MYO7A: variants seen among roughly 807,000 people sequenced by gnomAD.
MYO7A encodes myosin VIIA, also known as unconventional myosin-VIIa.
In MYO7A, 210 loss-of-function variants were observed where a neutral mutation model predicts 263.8. The observed-to-expected ratio is 0.80, with a 90% CI of 0.71 to 0.89. MYO7A has a LOEUF of 0.89. Among genes scored for constraint, MYO7A ranks in the 40% least tolerant of loss-of-function variants. The pLI, the probability that MYO7A is intolerant of heterozygous loss-of-function variation, is 0.00. For synonymous variants in MYO7A, 1,239 were observed against 1,197.3 expected (o/e 1.03, Z -0.72); for missense variants, 2,820 against 2,968.3 (o/e 0.95, Z 1.16).
chr11:77,214,515 G>A, intron 48 of MYO7A, 92 bp from the exon 49 acceptor site: 2 of 940,354 alleles, frequency 2.1e-6, no homozygotes, highest in Non-Finnish European at 3.4e-6. Context: ...CCTGGGTTCT[G>A]CCCATTGCAG....
At position 77,208,405 on chromosome 11, in the gene MYO7A, T is replaced by C. The variant is rs568783847; in HGVS notation, c.5857-25T>C. 15 of 1,563,446 alleles carry C rather than the reference T, an allele frequency of 9.6e-6. 1 individual carries two copies. In the South Asian group the frequency reaches 1.1e-4, roughly 12 times the overall value. On this transcript the variant is annotated intron_variant, in intron 42 of 48. Coordinates refer to ENST00000409709, the MANE Select transcript of MYO7A (RefSeq NM_000260.4). Reference sequence around the variant, plus strand: ...AAAATGCAGTGTTGCTTAAACTGAGTGTGCTTCGATGGCCCTGACCCCAGG... The same window carrying C: ...AAAATGCAGTGTTGCTTAAACTGAGCGTGCTTCGATGGCCCTGACCCCAGG...
intron 15 of MYO7A, among the ~76,000 whole-genome samples, chr11:77,172,237 A>G (rs138386396): frequency 1.6e-3 from 238 of 152,296 alleles, no homozygotes; most frequent in Non-Finnish European, 2.8e-3. Flanking sequence ...CATCACCTCC[A>G]CTTAGGAAAC....
chr11:77,179,843 G>A lies in MYO7A; in HGVS notation c.2476G>A (p.Ala826Thr), dbSNP rs368341987. 6.8e-4 allele frequency: 1,053 copies of A among 1,542,830 alleles called. 5 individuals carry two copies. The highest frequency in any genetic ancestry group is 6.0e-3 in the South Asian group (505 of 84,020). Residue 826 changes from alanine to threonine, a missense_variant, in exon 21 of 49, where the codon GCC (alanine) becomes ACC (threonine). Ala to Thr is a moderately conservative substitution (Grantham distance 58, BLOSUM62 0). Transcript: ENST00000409709. ...CATCCAGTTCCAGGCCCGCTGCCGC[G>A]CCTATCTGGTGCGCAAGGCCTTCCG... is the stretch of plus-strand genomic sequence containing the variant. ...RIIQFQARCR[A>T]YLVRKAFRHR...
chr11:77,138,139 G>A lies in MYO7A; in HGVS notation c.19-4570G>A, dbSNP rs1950980900. On this transcript the variant is annotated intron_variant, in intron 2 of 48. Transcript: ENST00000409709. This position sits in a 1 kb window ranked among gnomAD's most constrained non-coding sequence, Gnocchi z 4.9. ...GGGGGGTTCGGCCGAGACGGAGGGG[G>A]CCGGGGTGGCGCGGGCGCCCCCTCG... Among the ~76,000 whole-genome samples the A allele has an allele frequency of 6.6e-6, 1 of 152,108 alleles. No individual in the cohort carries two copies. Among genetic ancestry groups the A allele is most frequent in the South Asian group, 2.1e-4 (1 of 4,830 alleles).
In MYO7A at chr11:77,214,021, GCCTGCAGCGTAGCCAGCCT is replaced by G. The variant is rs745519631; in HGVS notation, c.6558+45_6558+63del. ...CTGGGCCTAGTGGGCTCCCTGCCTT[GCCTGCAGCGTAGCCAGCCT>G]CCCAGGGCCTGGAACAAACACAGTA... On this transcript the variant is annotated intron_variant, in intron 48 of 48. Transcript: ENST00000409709. 19 of 1,612,302 alleles carry G rather than the reference GCCTGCAGCGTAGCCAGCCT, an allele frequency of 1.2e-5. No individual in the cohort carries two copies. The Admixed American group carries it at 3.2e-4, about 27-fold the overall frequency.
chr11:77,186,977 T>C (rs1955692056), intron 27 of MYO7A, among the ~76,000 whole-genome samples: 1 of 152,186 alleles, frequency 6.6e-6, no homozygotes, highest in South Asian at 2.1e-4. Flanking sequence ...GGTTATTAAT[T>C]GGCCTAATTT....
intron 4 of MYO7A, among the ~76,000 whole-genome samples, chr11:77,154,965 A>G (rs1439032281): frequency 2.0e-5 from 3 of 152,110 alleles, no homozygotes; most frequent in Admixed American, 2.0e-4. Context: ...TGATGCACTG[A>G]GCCCTGAATG....
chr11:77,154,559 G>A (rs1170992157), intron 4 of MYO7A, among the ~76,000 whole-genome samples: 1 of 152,168 alleles, frequency 6.6e-6, no homozygotes, highest in Non-Finnish European at 1.5e-5. Flanking sequence ...CAGAGAGCCA[G>A]CTCCAGCTGG....
Position 77,197,461 on chromosome 11 carries a change from C to T in MYO7A, c.4324-20C>T. 1 of 1,536,490 alleles carries T rather than the reference C, an allele frequency of 6.5e-7. No individual in the cohort carries two copies. The highest frequency in any genetic ancestry group is 8.9e-7 in the Non-Finnish European group (1 of 1,127,688). On this transcript the variant is annotated intron_variant, in intron 32 of 48. Transcript: ENST00000409709. ...CACTCGTATGTTGTCTTCTGTCCCT[C>T]TGTCCCTCTCTCCTTCCAGGGGATT...
chr11:77,184,620 A>G lies in MYO7A; in HGVS notation c.3408A>G (p.Thr1136=). ...AGAGGCTGCATGACGGGGAGTCCAC[A>G]GTGCAGGGCAACAGCATGCTGGAGG... The part of the protein sequence containing the change: ...VTKRLHDGES[T]VQGNSMLEDR... The change falls in exon 27 of 49, where the codon ACA becomes ACG. Residue 1136 remains threonine, a synonymous_variant. Transcript: ENST00000409709. 2 of 1,574,938 alleles carry G rather than the reference A, an allele frequency of 1.3e-6. No individual in the cohort carries two copies. The highest frequency in any genetic ancestry group is 1.7e-6 in the Non-Finnish European group (2 of 1,159,674).
At position 77,199,767 on chromosome 11, in the gene MYO7A, C is replaced by A. The variant is rs758832749; in HGVS notation, c.4801C>A (p.Leu1601Ile). The A allele has an allele frequency of 1.6e-5, 25 of 1,611,688 alleles. No individual in the cohort carries two copies. Among genetic ancestry groups the A allele is most frequent in the African/African-American group, 1.1e-4 (8 of 74,898 alleles). The change falls in exon 35 of 49, where the codon CTC (leucine) becomes ATC (isoleucine). Residue 1601 changes from leucine (L) to isoleucine (I), a missense_variant. Physicochemically the swap from Leu to Ile is conservative, Grantham distance 5. Coordinates refer to ENST00000409709, the MANE Select transcript of MYO7A (RefSeq NM_000260.4). ...RDLVVTFLEG[L>I]RKRSKYVVAL... ...CCTGGTGGTCACCTTCCTAGAGGGG[C>A]TCCGGAAGAGATCTAAGTATGTTGT...
rs1555085509 is a variant in MYO7A at position 77,182,515 on chromosome 11, A to G, written c.3200A>G (p.Lys1067Arg). The G allele has an allele frequency of 6.2e-7, 1 of 1,612,254 alleles. No homozygotes were observed. Among genetic ancestry groups the G allele is most frequent in the Admixed American group, 1.7e-5 (1 of 59,964 alleles). ...YHTAMSDGSE[K>R]IPVMTKIYET... ...ACAGCCATGAGTGATGGCAGTGAGA[A>G]GATCCCTGTGATGACCAAGATTTAT... The change falls in exon 25 of 49, where the codon AAG (lysine) becomes AGG (arginine). Residue 1067 changes from lysine to arginine, a missense_variant. Lys to Arg is a conservative substitution (Grantham distance 26). Transcript: ENST00000409709.
At chr11:77,150,712 C>A (rs1205357070) in intron 4 of MYO7A, among the ~76,000 whole-genome samples, 1 of 152,158 alleles carries the variant, frequency 6.6e-6, no homozygotes, top group African/African-American at 2.4e-5. Context: ...GCTGTGGCAC[C>A]TGGAAGGGCC....
At position 77,158,447 on chromosome 11, in the gene MYO7A, C is replaced by T; in HGVS notation, c.1003+17C>T. 1 of 1,607,676 alleles carries T rather than the reference C, an allele frequency of 6.2e-7. No homozygotes were observed. The highest frequency in any genetic ancestry group is 8.5e-7 in the Non-Finnish European group (1 of 1,178,090). On this transcript the variant is annotated intron_variant, in intron 9 of 48. Transcript: ENST00000409709. ...AGTATGAGGGTGAGGCTGCGCCACA[C>T]TCGCCCTGCCCCACCCCTGCGCCAA... is the stretch of plus-strand genomic sequence containing the variant.
At chr11:77,165,329 A>C in intron 14 of MYO7A, among the ~76,000 whole-genome samples, 1 of 149,936 alleles carries the variant, frequency 6.7e-6, no homozygotes, top group Non-Finnish European at 1.5e-5. Context: ...CCACTCTACA[A>C]CCCCCTCCCC....
chr11:77,135,700 G>A (rs921320277), intron 2 of MYO7A, among the ~76,000 whole-genome samples: 3 of 151,804 alleles, frequency 2.0e-5, no homozygotes, highest in Non-Finnish European at 2.9e-5. Flanking sequence ...AGTGCATAAG[G>A]GTTCCATTTT....
chr11:77,142,675 G>A lies in MYO7A; in HGVS notation c.19-34G>A, dbSNP rs139571031. 4.4e-4 allele frequency: 683 copies of A among 1,563,806 alleles called. 7 individuals carry two copies. In the East Asian group the frequency reaches 0.012, roughly 28 times the overall value. On this transcript the variant is annotated intron_variant, in intron 2 of 48. Coordinates refer to ENST00000409709, the MANE Select transcript of MYO7A (RefSeq NM_000260.4). ...GGAAGGGGCTCCAATCCCCCTCCCT[G>A]CTCACCTGGGCTGAGACTCTCTCTC...
intron 8 of MYO7A, 120 bp downstream of exon 8, chr11:77,157,512 C>T: frequency 3.0e-6 from 2 of 666,296 alleles, no homozygotes; most frequent in Non-Finnish European, 5.1e-6. Context: ...CAGCTTCTTG[C>T]TGGCTTGTCT....
chr11:77,198,515 G>A lies in MYO7A; in HGVS notation c.4462G>A (p.Asp1488Asn), dbSNP rs768268356. 2.5e-6 allele frequency: 4 copies of A among 1,613,762 alleles called. No homozygotes were observed. In the African/African-American group the frequency reaches 5.3e-5, roughly 22 times the overall value. Residue 1488 changes from aspartate (D) to asparagine (N), a missense_variant, in exon 34 of 49, where the codon GAC becomes AAC. By Grantham distance (23) the Asp-to-Asn change is conservative. Coordinates refer to ENST00000409709, the MANE Select transcript of MYO7A (RefSeq NM_000260.4). ...CCCAGGCCCCAGTCTCCCCAAGAACGACGTCATCGTGGCCGTCAACTGGAC... is the reference window on the plus strand; with the variant it reads ...CCCAGGCCCCAGTCTCCCCAAGAACAACGTCATCGTGGCCGTCAACTGGAC... ...KFSGPSLPKN[D>N]VIVAVNWTGV... is the part of the protein sequence containing the mutation.
Sources: allele counts gnomAD v4.1 joint callset (sites outside exome capture counted in the v4.1 genomes callset), GRCh38; gene constraint gnomAD v4.1.1; non-coding constraint Gnocchi (gnomAD v3.1); transcripts MANE v1.5; gene names NCBI Gene and HGNC (gene_info 2026-07-23, HGNC 2026-07-21).